The following NAV2 variants were observed in gnomAD, a reference collection of about 807,000 sequenced individuals.
NAV2 encodes neuron navigator 2.
Under a neutral mutation model 223.2 loss-of-function variants are expected in NAV2, and 54 were observed. The observed-to-expected ratio is 0.24, with a 90% CI of 0.19 to 0.30. The LOEUF (loss-of-function observed/expected upper bound fraction) is 0.30, where lower values mean the gene tolerates loss of function less well. Ranked by LOEUF, NAV2 falls within the 10% of genes least tolerant of loss-of-function variation. NAV2 has a pLI of 1.00. For synonymous variants in NAV2, 1,279 were observed against 1,239.3 expected, an observed-to-expected ratio of 1.03 and a Z score of -0.67; for missense variants, 2,806 against 3,147.5, an observed-to-expected ratio of 0.89 and a Z score of 2.60.
chr11:20,072,114 A>G (rs2059441448), intron 22 of NAV2, among the ~76,000 whole-genome samples: 1 of 152,144 alleles, frequency 6.6e-6, no homozygotes. Flanking sequence ...TAATTTTTGT[A>G]TGAGGTGTAA....
At chr11:19,984,007 C>G in intron 10 of NAV2, 118 bp from the exon 11 acceptor site, 1 of 1,320,668 alleles carries the variant, frequency 7.6e-7, no homozygotes, top group Non-Finnish European at 1.1e-6. Context: ...CTCAGGGAAT[C>G]CTCCGTTTCT....
At chr11:19,400,857 T>C (rs188838901) in intron 1 of NAV2, among the ~76,000 whole-genome samples, 13 of 152,192 alleles carry the variant, frequency 8.5e-5, no homozygotes, top group Admixed American at 8.5e-4. Flanking sequence ...GCCTGATTAA[T>C]TCAGATTTCA....
intron 26 of NAV2, among the ~76,000 whole-genome samples, chr11:20,088,244 C>G (rs1565034763): frequency 6.6e-6 from 1 of 152,206 alleles, no homozygotes; most frequent in Non-Finnish European, 1.5e-5. Flanking sequence ...GTGGCGCGAT[C>G]TTGGCTCACT....
Position 19,783,254 on chromosome 11 carries a change from T to C in NAV2, c.268-49230T>C, listed in dbSNP as rs72913677. ...GACTACTGATTTCTCGTTCCAACCT[T>C]TGTGGGATCCAGTCCATTGGTGGAT... On this transcript the variant is annotated intron_variant, in intron 1 of 37. Coordinates refer to ENST00000349880, the MANE Select transcript of NAV2 (RefSeq NM_145117.5). Among the ~76,000 whole-genome samples the C allele has an allele frequency of 8.2e-3, 1,246 of 152,314 alleles. 19 individuals are homozygous for C. Among genetic ancestry groups the C allele is most frequent in the Non-Finnish European group, 8.4e-3 (568 of 68,018 alleles).
chr11:20,080,229 C>T lies in NAV2; in HGVS notation c.5325+20C>T. ...AACTGGGTGAGTGCACATCCACTCT[C>T]CTGGGGACTGACGGACAGAGTCAGT... is the stretch of plus-strand genomic sequence containing the variant. On this transcript the variant is annotated intron_variant, in intron 25 of 37. Transcript: ENST00000349880. 2 of 1,609,602 alleles carry T rather than the reference C, an allele frequency of 1.2e-6. No homozygotes were observed. The highest frequency in any genetic ancestry group is 1.7e-6 in the Non-Finnish European group (2 of 1,177,014).
intron 1 of NAV2, among the ~76,000 whole-genome samples, chr11:19,412,555 C>A (rs935501867): frequency 3.3e-5 from 5 of 152,202 alleles, no homozygotes; most frequent in Non-Finnish European, 7.3e-5. Flanking sequence ...GATCTCCCAG[C>A]ACAGCAATCG....
chr11:20,105,266 C>G (rs1411648373), intron 34 of NAV2: 5 of 355,188 alleles, frequency 1.4e-5, no homozygotes, highest in African/African-American at 1.0e-4. Flanking sequence ...GCTGTTTGAT[C>G]CTGGAAAAGT....
intron 1 of NAV2, among the ~76,000 whole-genome samples, chr11:19,496,686 C>A (rs1397879975): frequency 6.6e-6 from 1 of 152,112 alleles, no homozygotes; most frequent in East Asian, 1.9e-4. Flanking sequence ...TACACAAGGG[C>A]CTGAATGTTA....
intron 1 of NAV2, among the ~76,000 whole-genome samples, chr11:19,530,830 G>A (rs571693415): frequency 6.6e-6 from 1 of 152,318 alleles, no homozygotes; most frequent in East Asian, 1.9e-4. Context: ...ATACAGATTA[G>A]AAACAGGCTG....
At chr11:20,051,447 C>A in intron 17 of NAV2, 114 bp downstream of exon 17, 1 of 916,452 alleles carries the variant, frequency 1.1e-6, no homozygotes, top group South Asian at 1.3e-5. Context: ...CCGCTTTGAC[C>A]ACCACAGCAG....
intron 1 of NAV2, chr11:19,777,386 G>T (rs1414199203): frequency 4.6e-6 from 2 of 436,568 alleles, no homozygotes; most frequent in African/African-American, 4.1e-5. Context: ...CCTGCCGGGC[G>T]CGCGGGCAGG....
At chr11:19,988,403 C>T (rs745352667) in intron 11 of NAV2, among the ~76,000 whole-genome samples, 4 of 149,242 alleles carry the variant, frequency 2.7e-5, no homozygotes, top group Non-Finnish European at 4.4e-5. Context: ...TTAATTTAGG[C>T]GATAAGGCCA....
intron 1 of NAV2, among the ~76,000 whole-genome samples, chr11:19,370,969 A>G (rs1430254671): frequency 1.3e-5 from 2 of 152,236 alleles, no homozygotes; most frequent in Non-Finnish European, 1.5e-5. Flanking sequence ...GTAGAAGGTC[A>G]GAGATGGAGG....
intron 1 of NAV2, among the ~76,000 whole-genome samples, chr11:19,768,875 G>C (rs755975705): frequency 2.0e-5 from 3 of 152,214 alleles, no homozygotes; most frequent in Non-Finnish European, 4.4e-5. Flanking sequence ...CACTTAGATA[G>C]TGCCTAGGAC....
chr11:19,835,902 A>G (rs1278244560), intron 2 of NAV2, among the ~76,000 whole-genome samples: 1 of 152,116 alleles, frequency 6.6e-6, no homozygotes, highest in Non-Finnish European at 1.5e-5. Context: ...TTATTCTTGA[A>G]AAGTGAGTTT....
intron 1 of NAV2, among the ~76,000 whole-genome samples, chr11:19,398,875 C>T (rs1378846255): frequency 6.6e-6 from 1 of 152,204 alleles, no homozygotes; most frequent in Non-Finnish European, 1.5e-5. Context: ...AGCCTCAGCT[C>T]CTAGCAAACA....
At chr11:19,502,520 A>G (rs1208388442) in intron 1 of NAV2, among the ~76,000 whole-genome samples, 1 of 152,198 alleles carries the variant, frequency 6.6e-6, no homozygotes, top group African/African-American at 2.4e-5. Flanking sequence ...GGGGCTAAGA[A>G]TAAGAAGTCT....
intron 1 of NAV2, among the ~76,000 whole-genome samples, chr11:19,630,641 C>T (rs1391977776): frequency 2.0e-5 from 3 of 152,136 alleles, no homozygotes; most frequent in Non-Finnish European, 1.5e-5. Flanking sequence ...AATCCCAACG[C>T]TTTGGGAGGC....
chr11:19,872,650 A>C (rs1339484584), intron 4 of NAV2, among the ~76,000 whole-genome samples: 1 of 152,220 alleles, frequency 6.6e-6, no homozygotes, highest in Non-Finnish European at 1.5e-5. Context: ...CCCAGTCTAA[A>C]GCTGGGTTTG....
Sources: allele counts gnomAD v4.1 joint callset (sites outside exome capture counted in the v4.1 genomes callset), GRCh38; gene constraint gnomAD v4.1.1; transcripts MANE v1.5; gene names NCBI Gene and HGNC (gene_info 2026-07-23, HGNC 2026-07-21).